TBC1D5: variants seen among roughly 807,000 people sequenced by gnomAD.
TBC1D5 encodes the protein TBC1 domain family member 5, also known as TBC1 domain family, member 5.
TBC1D5 carries 75 observed loss-of-function variants against 100.3 expected under a neutral mutation model. That is an observed-to-expected ratio of 0.75 (90% confidence interval 0.62 to 0.91). TBC1D5 has a LOEUF of 0.91. TBC1D5 is among the 40% of genes least tolerant of loss of function. The pLI, the probability that TBC1D5 is intolerant of heterozygous loss-of-function variation, is 0.00. For synonymous variants in TBC1D5, 323 were observed against 325.6 expected, an observed-to-expected ratio of 0.99 and a Z score of 0.09; for missense variants, 910 against 942.4, an observed-to-expected ratio of 0.97 and a Z score of 0.45.
chr3:17,436,490 T>G (rs1048214338), intron 3 of TBC1D5, among the ~76,000 whole-genome samples: 11 of 152,184 alleles, frequency 7.2e-5, no homozygotes, highest in Admixed American at 6.5e-4. Flanking sequence ...TGTGGCTTTT[T>G]TCTTCTTATC....
intron 13 of TBC1D5, among the ~76,000 whole-genome samples, chr3:17,314,431 G>A (rs1409747872): frequency 1.3e-5 from 2 of 152,206 alleles, no homozygotes; most frequent in African/African-American, 4.8e-5. Context: ...TAAGTGATCA[G>A]ATTTATGCAG....
chr3:17,353,134 A>T (rs1278093286), intron 13 of TBC1D5, among the ~76,000 whole-genome samples: 2 of 152,070 alleles, frequency 1.3e-5, no homozygotes, highest in Admixed American at 6.6e-5. Context: ...TGGCACTGAT[A>T]AATGAAGTTA....
At chr3:17,235,399 T>G (rs2075775775) in intron 17 of TBC1D5, among the ~76,000 whole-genome samples, 1 of 152,226 alleles carries the variant, frequency 6.6e-6, no homozygotes, top group South Asian at 2.1e-4. Flanking sequence ...CTAAAAAGAC[T>G]ATTACATTAT....
At chr3:17,445,522 T>C (rs1168537477) in intron 3 of TBC1D5, among the ~76,000 whole-genome samples, 4 of 152,208 alleles carry the variant, frequency 2.6e-5, no homozygotes, top group Non-Finnish European at 5.9e-5. Flanking sequence ...TCAGTTTCCA[T>C]ACAGCAGTCT....
chr3:17,257,545 T>C (rs1000080669), intron 16 of TBC1D5, among the ~76,000 whole-genome samples: 1 of 152,188 alleles, frequency 6.6e-6, no homozygotes, highest in African/African-American at 2.4e-5. Flanking sequence ...GGTACATCAA[T>C]ATATGGAGCA....
chr3:17,481,903 G>A (rs1285854992), intron 3 of TBC1D5, among the ~76,000 whole-genome samples: 1 of 152,120 alleles, frequency 6.6e-6, no homozygotes, highest in African/African-American at 2.4e-5. Context: ...ACCACGCCTG[G>A]CTAATTTTTA....
At chr3:17,247,086 G>A (rs1034835001) in intron 16 of TBC1D5, among the ~76,000 whole-genome samples, 2 of 152,176 alleles carry the variant, frequency 1.3e-5, no homozygotes, top group African/African-American at 2.4e-5. Flanking sequence ...AGACTGGGTA[G>A]GTAAGGTTAG....
At chr3:17,238,241 G>A (rs773243974) in exon 17 of TBC1D5, 4 of 1,613,954 alleles carry the variant, frequency 2.5e-6, no homozygotes, top group South Asian at 2.2e-5. Context: ...TGATGGCTTG[G>A]GGCCTCTGCT....
At chr3:17,213,685 A>T (rs1430974556) in intron 18 of TBC1D5, among the ~76,000 whole-genome samples, 1 of 143,688 alleles carries the variant, frequency 7.0e-6, no homozygotes, top group Non-Finnish European at 1.5e-5. Context: ...AGAATCGCTT[A>T]AACCCAGGAG....
chr3:17,334,925 G>A (rs924751910), intron 13 of TBC1D5, among the ~76,000 whole-genome samples: 6 of 152,026 alleles, frequency 3.9e-5, no homozygotes, highest in Non-Finnish European at 7.4e-5. Flanking sequence ...AAAATCTACA[G>A]ATAAGGCACA....
intron 1 of TBC1D5, chr3:17,702,144 G>A (rs934731515): frequency 1.3e-5 from 2 of 152,034 alleles, no homozygotes; most frequent in Non-Finnish European, 1.5e-5. Flanking sequence ...TCCACTAACT[G>A]TCGTCTTCAA....
At chr3:17,581,591 C>T (rs1344272025) in intron 2 of TBC1D5, among the ~76,000 whole-genome samples, 1 of 152,320 alleles carries the variant, frequency 6.6e-6, no homozygotes, top group East Asian at 1.9e-4. Context: ...CTTGACTCAT[C>T]TCTTTCTTGC....
At chr3:17,173,705 G>T (rs1358007039) in intron 19 of TBC1D5, among the ~76,000 whole-genome samples, 1 of 152,028 alleles carries the variant, frequency 6.6e-6, no homozygotes, top group Non-Finnish European at 1.5e-5. Context: ...GTTTTTTGAG[G>T]CTTTCTCATC....
intron 3 of TBC1D5, among the ~76,000 whole-genome samples, chr3:17,497,087 GACAC>G (rs71049202): frequency 0.16 from 19,992 of 128,838 alleles, 1,688 homozygotes; most frequent in Non-Finnish European, 0.19. Context: ...CTCTCTCTCT[GACAC>G]ACACACACAC....
intron 1 of TBC1D5, among the ~76,000 whole-genome samples, chr3:17,628,311 G>GT (rs2153665675): frequency 6.6e-6 from 1 of 151,788 alleles, no homozygotes; most frequent in African/African-American, 2.4e-5. Context: ...AGAGGCTGCA[G>GT]TGAAGCCAAG....
intron 2 of TBC1D5, among the ~76,000 whole-genome samples, chr3:17,582,114 A>G (rs1209108908): frequency 6.6e-6 from 1 of 152,182 alleles, no homozygotes. Context: ...ATCTAAGGTA[A>G]TACATATTTT....
intron 1 of TBC1D5, among the ~76,000 whole-genome samples, chr3:17,704,509 C>A (rs2073699909): frequency 8.8e-6 from 1 of 113,330 alleles, no homozygotes; most frequent in Non-Finnish European, 1.8e-5. Flanking sequence ...CGGGCAGAGG[C>A]GCCCCTCACC....
At chr3:17,660,999 A>C (rs1305747226) in intron 1 of TBC1D5, among the ~76,000 whole-genome samples, 1 of 152,200 alleles carries the variant, frequency 6.6e-6, no homozygotes, top group Non-Finnish European at 1.5e-5. Flanking sequence ...CAGTCACAAA[A>C]ATCTACATGA....
chr3:17,526,276 G>C (rs182119859), intron 2 of TBC1D5, among the ~76,000 whole-genome samples: 1 of 151,972 alleles, frequency 6.6e-6, no homozygotes, highest in African/African-American at 2.4e-5. Context: ...GGAATGCAGC[G>C]GTGCATTCAT....
Sources: gnomAD v4.1 joint callset for allele counts (sites outside exome capture counted in the v4.1 genomes callset) on GRCh38, gnomAD v4.1.1 for gene constraint, MANE v1.5 for transcripts, NCBI Gene and HGNC (gene_info 2026-07-23, HGNC 2026-07-21) for gene names.